The following COA1 variants were observed in gnomAD, a reference collection of about 807,000 sequenced individuals.
COA1 encodes cytochrome c oxidase assembly factor 1 homolog.
COA1 carries 13 observed loss-of-function variants against 16.0 expected under a neutral mutation model. The observed-to-expected ratio is 0.81, with a 90% CI of 0.53 to 1.29. The LOEUF (loss-of-function observed/expected upper bound fraction) is 1.29. Among genes scored for constraint, COA1 ranks in the 50% most tolerant of loss-of-function variants. The pLI is 0.00. For synonymous variants in COA1, 65 were observed against 65.7 expected (o/e 0.99, Z 0.05); for missense variants, 179 against 177.0 (o/e 1.01, Z -0.06).
downstream of COA1, among the ~76,000 whole-genome samples, chr7:43,636,243 T>C (rs2085850111): frequency 6.6e-6 from 1 of 152,202 alleles, no homozygotes; most frequent in South Asian, 2.1e-4. Context: ...CCAAAAAACA[T>C]GCCTGAACCA....
chr7:43,648,347 A>G (rs1308393845), intron 2 of COA1: 2 of 578,624 alleles, frequency 3.5e-6, no homozygotes, highest in Non-Finnish European at 6.2e-6. Context: ...CAACAGGGTG[A>G]GGCAGCCAGA....
chr7:43,690,107 T>A (rs1169325828), intron 1 of COA1, among the ~76,000 whole-genome samples: 1 of 151,540 alleles, frequency 6.6e-6, no homozygotes, highest in African/African-American at 2.4e-5. Context: ...TAATAATAGA[T>A]GTTGGTGTGG....
intron 1 of COA1, among the ~76,000 whole-genome samples, chr7:43,662,848 A>G (rs1179233764): frequency 6.6e-6 from 1 of 152,196 alleles, no homozygotes; most frequent in Non-Finnish European, 1.5e-5. Flanking sequence ...TTGCCTCTCT[A>G]AGGAACCAAG....
chr7:43,680,889 T>C (rs1175406339), intron 1 of COA1, among the ~76,000 whole-genome samples: 1 of 152,172 alleles, frequency 6.6e-6, no homozygotes, highest in African/African-American at 2.4e-5. Flanking sequence ...GAAGATGGTT[T>C]AAGCCCAGGA....
intron 1 of COA1, chr7:43,655,892 T>A (rs1417668243): frequency 6.6e-6 from 1 of 152,138 alleles, no homozygotes; most frequent in Non-Finnish European, 1.5e-5. Flanking sequence ...ATATAAGAAT[T>A]ATGGTTATCC....
intron 4 of COA1, 118 bp from the exon 5 acceptor site, chr7:43,640,767 A>AAGTGAGTTCTTTTCTAACAGCCC: frequency 1.4e-6 from 1 of 707,210 alleles, no homozygotes; most frequent in Non-Finnish European, 2.3e-6. Context: ...TTCTCCACAG[A>AAGTGAGTTCTTTTCTAACAGCCC]AGTGAGTTCT....
At chr7:43,631,364 T>A (rs1015285902) in intron 6 of COA1, 4 of 152,374 alleles carry the variant, frequency 2.6e-5, no homozygotes, top group African/African-American at 7.2e-5. Flanking sequence ...TAGCTGAGAT[T>A]ACAGGCATGT....
At chr7:43,647,729 G>A (rs895248471) in intron 2 of COA1, 95 bp from the exon 3 acceptor site, 7 of 932,804 alleles carry the variant, frequency 7.5e-6, no homozygotes, top group Admixed American at 2.4e-5. Flanking sequence ...GAAGCATTAA[G>A]GAAGCCAGAA....
At chr7:43,689,828 T>A (rs556147359) in intron 1 of COA1, among the ~76,000 whole-genome samples, 4 of 152,292 alleles carry the variant, frequency 2.6e-5, no homozygotes, top group South Asian at 2.1e-4. Context: ...GCATATTACT[T>A]AAATGTAGAC....
intron 1 of COA1, among the ~76,000 whole-genome samples, chr7:43,701,312 G>A (rs1446469453): frequency 1.3e-5 from 2 of 152,024 alleles, no homozygotes; most frequent in African/African-American, 4.8e-5. Context: ...GTTCCCCTTC[G>A]TGTCTTCATG....
intron 1 of COA1, among the ~76,000 whole-genome samples, chr7:43,694,526 G>A (rs1300200366): frequency 6.6e-6 from 1 of 152,084 alleles, no homozygotes; most frequent in Non-Finnish European, 1.5e-5. Flanking sequence ...CAATCTATTA[G>A]AGCATTCCAT....
chr7:43,638,224 ATTT>A (rs34750204), downstream of COA1, among the ~76,000 whole-genome samples: 210 of 138,732 alleles, frequency 1.5e-3, no homozygotes, highest in African/African-American at 4.5e-3. Context: ...GTTTAAGCTC[ATTT>A]TTTTTTTTTT....
chr7:43,640,105 A>G (rs1207498189), intron 5 of COA1, among the ~76,000 whole-genome samples: 4 of 152,184 alleles, frequency 2.6e-5, no homozygotes, highest in Non-Finnish European at 4.4e-5. Flanking sequence ...CTAAACAGCA[A>G]ACATCTATGA....
chr7:43,702,831 G>A (rs2094805227), intron 1 of COA1, among the ~76,000 whole-genome samples: 1 of 152,048 alleles, frequency 6.6e-6, no homozygotes, highest in Non-Finnish European at 1.5e-5. Context: ...CTTTTGTATG[G>A]ATTTTCATGT....
chr7:43,708,571 T>C (rs1019766106), intron 1 of COA1, among the ~76,000 whole-genome samples: 6 of 152,228 alleles, frequency 3.9e-5, no homozygotes, highest in Non-Finnish European at 8.8e-5. Context: ...TATGCCATTA[T>C]GATTTTAATC....
chr7:43,705,613 C>G (rs991951163), intron 1 of COA1, among the ~76,000 whole-genome samples: 1 of 152,174 alleles, frequency 6.6e-6, no homozygotes. Flanking sequence ...GTCTGGCAGC[C>G]AACAAAGGCT....
intron 1 of COA1, among the ~76,000 whole-genome samples, chr7:43,708,873 C>T (rs1464230860): frequency 6.6e-6 from 1 of 152,104 alleles, no homozygotes; most frequent in Non-Finnish European, 1.5e-5. Flanking sequence ...TTGCCTTTCA[C>T]TCTCTTAAAC....
chr7:43,633,115 C>CT (rs35828975), intron 6 of COA1: 22,336 of 152,234 alleles, frequency 0.15, 2,182 homozygotes, highest in Non-Finnish European at 0.21. Flanking sequence ...TAGATGGCAT[C>CT]TTTTTCCAAT....
At chr7:43,643,932 G>A (rs1448748890) in intron 4 of COA1, among the ~76,000 whole-genome samples, 2 of 152,124 alleles carry the variant, frequency 1.3e-5, no homozygotes, top group East Asian at 1.9e-4. Context: ...AATGTAGGTC[G>A]GATCACCTCA....
Sources: allele counts gnomAD v4.1 joint callset (sites outside exome capture counted in the v4.1 genomes callset), GRCh38; gene constraint gnomAD v4.1.1; transcripts MANE v1.5; gene names NCBI Gene and HGNC (gene_info 2026-07-23, HGNC 2026-07-21).